Variants in LRRC9 observed in about 807,000 individuals in gnomAD.
LRRC9 encodes the protein leucine rich repeat containing 9, also known as leucine-rich repeat-containing protein 9.
In LRRC9, 122 loss-of-function variants were observed where a neutral mutation model predicts 63.2. That is an observed-to-expected ratio of 1.93 (90% CI 1.67 to 2.24). The LOEUF is 2.24. Ranked by LOEUF, LRRC9 falls within the 30% of genes most tolerant of loss-of-function variation. The pLI is 0.00. For missense variants in LRRC9, 1,071 were observed against 627.7 expected (o/e 1.71, Z -7.55); for synonymous variants, 366 against 213.1 (o/e 1.72, Z -6.25).
intron 29 of LRRC9, among the ~76,000 whole-genome samples, chr14:60,045,904 T>C (rs1566905772): frequency 6.6e-6 from 1 of 151,716 alleles, no homozygotes; most frequent in Admixed American, 6.6e-5. Context: ...GTGTAAAAGC[T>C]TTTTTTTCTC....
intron 16 of LRRC9, among the ~76,000 whole-genome samples, chr14:59,983,102 T>C (rs1887103968): frequency 6.6e-6 from 1 of 152,242 alleles, no homozygotes; most frequent in Non-Finnish European, 1.5e-5. Flanking sequence ...CAAACTACTA[T>C]AGTTTCTGAC....
At chr14:60,047,824 C>T (rs1301972371) in intron 29 of LRRC9, among the ~76,000 whole-genome samples, 1 of 152,124 alleles carries the variant, frequency 6.6e-6, no homozygotes, top group Non-Finnish European at 1.5e-5. Context: ...ACTCTCTACC[C>T]CCCAGCAACA....
At position 59,942,561 on chromosome 14, in the gene LRRC9, C is replaced by A. The variant is rs1481186924; in HGVS notation, c.727-2028C>A. On this transcript the variant is annotated intron_variant, in intron 7 of 31. Transcript: ENST00000445360. This position sits in a 1 kb window ranked among gnomAD's most constrained non-coding sequence, Gnocchi z 5.3. ...CCAACATGGTGAAACCCCATCTCTA[C>A]TAAAAATACAATAAAAATTAGCCAG... is the stretch of plus-strand genomic sequence containing the variant. 1.3e-5 allele frequency among the ~76,000 whole-genome samples: 2 copies of A among 152,148 alleles called. No homozygotes were observed. Among genetic ancestry groups the A allele is most frequent in the African/African-American group, 4.8e-5 (2 of 41,430 alleles).
intron 29 of LRRC9, among the ~76,000 whole-genome samples, chr14:60,036,023 G>A (rs1315939518): frequency 6.6e-6 from 1 of 152,050 alleles, no homozygotes. Context: ...CCATCTTCCT[G>A]GCTTGCAGAT....
intron 22 of LRRC9, 198 bp downstream of exon 22, chr14:60,006,815 T>G (rs1889845649): frequency 2.7e-6 from 1 of 373,992 alleles, no homozygotes; most frequent in Non-Finnish European, 4.7e-6. Flanking sequence ...ATGTCCCCAT[T>G]TGCTATCCTT....
At chr14:60,063,331 G>A in exon 32 of LRRC9, 1 of 700,614 alleles carries the variant, frequency 1.4e-6, no homozygotes, top group Non-Finnish European at 2.6e-6. Flanking sequence ...AGAATTTTTG[G>A]GAGCAACTTT....
intron 17 of LRRC9, among the ~76,000 whole-genome samples, chr14:59,989,851 A>G (rs1312899404): frequency 6.6e-6 from 1 of 150,494 alleles, no homozygotes; most frequent in Non-Finnish European, 1.5e-5. Context: ...GTTTATATGT[A>G]CTGTTTAAAA....
chr14:60,025,156 T>C lies in LRRC9; in HGVS notation c.3703+2286T>C, dbSNP rs181695361. On this transcript the variant is annotated intron_variant, in intron 27 of 31. Transcript: ENST00000445360. ...CCCAGGCTGGAGTGCATTGGCACAA[T>C]CATAGCTCACTGCAGCCTCAACCTC... is the stretch of plus-strand genomic sequence containing the variant. 1.5e-3 allele frequency among the ~76,000 whole-genome samples: 221 copies of C among 152,092 alleles called. 2 individuals carry two copies. The highest frequency in any genetic ancestry group is 5.2e-3 in the African/African-American group (214 of 41,524).
intron 3 of LRRC9, among the ~76,000 whole-genome samples, chr14:59,928,947 T>G (rs1288218572): frequency 6.6e-6 from 1 of 151,976 alleles, no homozygotes; most frequent in African/African-American, 2.4e-5. Flanking sequence ...AGGACTTAAA[T>G]GTAAAACCCA....
chr14:60,014,560 GA>G (rs1000785393), intron 23 of LRRC9, among the ~76,000 whole-genome samples: 6 of 152,020 alleles, frequency 3.9e-5, no homozygotes, highest in African/African-American at 1.2e-4. Flanking sequence ...TTCACCACTT[GA>G]AAATGTCGTG....
chr14:59,966,322 G>C lies in LRRC9; in HGVS notation c.1212-267G>C, dbSNP rs911193704. On this transcript the variant is annotated intron_variant, in intron 10 of 31. Coordinates refer to ENST00000445360, the Ensembl canonical transcript of LRRC9. This position sits in a 1 kb window ranked among gnomAD's most constrained non-coding sequence, Gnocchi z 4.0. Reference sequence around the variant, plus strand: ...GACCCAGCAAGAAAACTATGAAAGAGCAGCCAATAAGAGGAAGGCGTATGA... The same window carrying C: ...GACCCAGCAAGAAAACTATGAAAGACCAGCCAATAAGAGGAAGGCGTATGA... Among the ~76,000 whole-genome samples, 4 of 152,162 alleles carry C rather than the reference G, an allele frequency of 2.6e-5. No homozygotes were observed. The highest frequency in any genetic ancestry group is 7.2e-5 in the African/African-American group (3 of 41,424).
intron 30 of LRRC9, among the ~76,000 whole-genome samples, chr14:60,055,377 G>T (rs965276782): frequency 1.3e-5 from 2 of 152,188 alleles, no homozygotes; most frequent in South Asian, 2.1e-4. Flanking sequence ...AGAGCAAATG[G>T]TCAAATAAAA....
Position 59,923,291 on chromosome 14 carries a change from T to G in LRRC9, c.-34+3408T>G, listed in dbSNP as rs1888936618. On this transcript the variant is annotated intron_variant, in intron 1 of 31. Transcript: ENST00000445360. The surrounding 1 kb of genome is among the most constrained non-coding windows in gnomAD (Gnocchi z 4.2). ...TGTATTTTTCTAATTAGCTGTTGAA[T>G]TAGAATAAGATTTTCTGCTAAATAA... 6.6e-6 allele frequency among the ~76,000 whole-genome samples: 1 copy of G among 152,214 alleles called. No homozygotes were observed. Among genetic ancestry groups the G allele is most frequent in the African/African-American group, 2.4e-5 (1 of 41,464 alleles).
At position 59,930,639 on chromosome 14, in the gene LRRC9, G is replaced by T. The variant is rs1325347819; in HGVS notation, c.268-279G>T. ...ATATGATTATAATCATAACCATATA[G>T]AAATATGATATGTGATATATATGAT... On this transcript the variant is annotated intron_variant, in intron 3 of 31. Coordinates refer to ENST00000445360, the Ensembl canonical transcript of LRRC9. The surrounding 1 kb of genome is among the most constrained non-coding windows in gnomAD (Gnocchi z 4.9). Among the ~76,000 whole-genome samples, 2 of 151,256 alleles carry T rather than the reference G, an allele frequency of 1.3e-5. No homozygotes were observed. Among genetic ancestry groups the T allele is most frequent in the Non-Finnish European group, 3.0e-5 (2 of 67,758 alleles).
At position 59,970,064 on chromosome 14, in the gene LRRC9, G is replaced by A. The variant is rs373688061; in HGVS notation, c.1506+2851G>A. 1.1e-4 allele frequency among the ~76,000 whole-genome samples: 17 copies of A among 152,190 alleles called. 1 individual carries two copies. Among genetic ancestry groups the A allele is most frequent in the Admixed American group, 7.2e-4 (11 of 15,264 alleles). On this transcript the variant is annotated intron_variant, in intron 12 of 31. Coordinates refer to ENST00000445360, the Ensembl canonical transcript of LRRC9. ...TTGTACAGATTATTTTGTCACCCAG[G>A]TATTAAGCCTAGTACCCATTAGTTA...
intron 8 of LRRC9, among the ~76,000 whole-genome samples, chr14:59,959,131 C>T (rs1884102048): frequency 6.6e-6 from 1 of 152,212 alleles, no homozygotes; most frequent in South Asian, 2.1e-4. Context: ...AAAAGAGGTT[C>T]TTGCTGTGGG....
chr14:59,948,403 T>G (rs1276222759), intron 8 of LRRC9, among the ~76,000 whole-genome samples: 1 of 140,030 alleles, frequency 7.1e-6, no homozygotes, highest in Non-Finnish European at 1.5e-5. Flanking sequence ...TTAAGGAGAT[T>G]TTGGGCTGAG....
intron 29 of LRRC9, among the ~76,000 whole-genome samples, chr14:60,049,110 A>G (rs1374504042): frequency 6.6e-6 from 1 of 152,154 alleles, no homozygotes; most frequent in Non-Finnish European, 1.5e-5. Context: ...TTCTCAATAA[A>G]CTAGTTATTG....
rs1298140312 is a variant in LRRC9, at chr14:59,938,960, CACAT to C, written c.726+390_726+393del. ...ATATACATATACATACATATATACA[CACAT>C]ATATACATATATACATATATACACA... On this transcript the variant is annotated intron_variant, in intron 7 of 31. Transcript: ENST00000445360. The surrounding 1 kb of genome is among the most constrained non-coding windows in gnomAD (Gnocchi z 4.2). Among the ~76,000 whole-genome samples, 6 of 143,106 alleles carry C rather than the reference CACAT, an allele frequency of 4.2e-5. No homozygotes were observed. Among genetic ancestry groups the C allele is most frequent in the Non-Finnish European group, 7.5e-5 (5 of 66,640 alleles). 93.9% of individuals were successfully genotyped at this position (143,106 alleles called of 152,430 possible).
Sources: gnomAD v4.1 joint callset for allele counts (sites outside exome capture counted in the v4.1 genomes callset) on GRCh38, gnomAD v4.1.1 for gene constraint, Gnocchi (gnomAD v3.1) non-coding constraint, MANE v1.5 for transcripts, NCBI Gene and HGNC (gene_info 2026-07-23, HGNC 2026-07-21) for gene names.